Variants in POLD1 observed in about 807,000 individuals in gnomAD.
The protein encoded by POLD1 is DNA polymerase delta 1, catalytic subunit.
Under a neutral mutation model 129.7 loss-of-function variants are expected in POLD1, and 79 were observed. The ratio of observed to expected loss-of-function variants is 0.61; its 90% CI spans 0.51 to 0.73. POLD1 has a LOEUF of 0.73. Ranked by LOEUF, POLD1 falls within the 30% of genes least tolerant of loss-of-function variation. The pLI is 0.00. For synonymous variants in POLD1, 714 were observed against 683.3 expected (o/e 1.04, Z -0.70); for missense variants, 1,338 against 1,595.8 (o/e 0.84, Z 2.75).
At chr19:50,393,816 G>T (rs758886610) in intron 1 of POLD1, among the ~76,000 whole-genome samples, 2 of 152,162 alleles carry the variant, frequency 1.3e-5, no homozygotes, top group African/African-American at 4.8e-5. Flanking sequence ...TTCCCCCAGT[G>T]TGCACTTTGC....
At chr19:50,391,481 CG>C (rs1355795019) in intron 1 of POLD1, among the ~76,000 whole-genome samples, 3 of 152,176 alleles carry the variant, frequency 2.0e-5, no homozygotes, top group African/African-American at 7.2e-5. Context: ...AGATCACTCG[CG>C]GTCAGGAGCT....
rs966656626 is a variant in POLD1, at chr19:50,415,372, C to A, written c.2565-66C>A. On this transcript the variant is annotated intron_variant, in intron 20 of 26. Coordinates refer to ENST00000440232, the MANE Select transcript of POLD1 (RefSeq NM_002691.4). ...CTCATCCTGGTCTCCAGCCCTGAGA[C>A]CCGTGGAGGCACCAGCCTGGCCCTC... 5.3e-6 allele frequency: 8 copies of A among 1,511,568 alleles called. No homozygotes were observed. In the East Asian group the frequency reaches 1.4e-4, roughly 26 times the overall value. The allele number at this position is 1,511,568 out of a possible 1,614,324, so 93.6% of individuals were successfully genotyped here. A position where few individuals can be genotyped will look rare whatever the true frequency, so the allele number is the denominator to read the frequency against.
At chr19:50,405,605 A>G (rs2038846502) in intron 10 of POLD1, among the ~76,000 whole-genome samples, 1 of 152,092 alleles carries the variant, frequency 6.6e-6, no homozygotes, top group South Asian at 2.1e-4. Flanking sequence ...AAAATACAGA[A>G]CAAACTCTTA....
At position 50,416,701 on chromosome 19, in the gene POLD1, C is replaced by G. The variant is rs1555793490; in HGVS notation, c.3045C>G (p.Cys1015Trp). 6.5e-7 allele frequency: 1 copy of G among 1,541,856 alleles called. No homozygotes were observed. Among genetic ancestry groups the G allele is most frequent in the Non-Finnish European group, 8.7e-7 (1 of 1,148,258 alleles). ...AACGCCGCAACTGCTGCATTGGCTG[C>G]CGCACAGTGCTCAGCCACCAGGGTG... ...FAKRRNCCIG[C>W]RTVLSHQGAV... Residue 1015 changes from cysteine to tryptophan, a missense_variant, in exon 24 of 27, where the codon TGC becomes TGG. Coordinates refer to ENST00000440232, the MANE Select transcript of POLD1 (RefSeq NM_002691.4).
intron 1 of POLD1, among the ~76,000 whole-genome samples, chr19:50,390,919 A>G (rs2038136376): frequency 6.6e-6 from 1 of 152,188 alleles, no homozygotes; most frequent in African/African-American, 2.4e-5. Flanking sequence ...ACAGCATCCC[A>G]AGGCAGAATT....
chr19:50,395,373 A>C (rs1252709297), intron 1 of POLD1, among the ~76,000 whole-genome samples: 1 of 151,868 alleles, frequency 6.6e-6, no homozygotes, highest in East Asian at 2.0e-4. Context: ...AGGCGGGCGG[A>C]TCACGAGGTC....
At chr19:50,410,222 C>T (rs949293335) in intron 17 of POLD1, among the ~76,000 whole-genome samples, 1 of 152,166 alleles carries the variant, frequency 6.6e-6, no homozygotes, top group Non-Finnish European at 1.5e-5. Flanking sequence ...CCTGAGTTTC[C>T]GAGATTGCCA....
chr19:50,407,392 C>T lies in POLD1; in HGVS notation c.1752C>T (p.Ala584=), dbSNP rs1555791522. The T allele has an allele frequency of 6.2e-7, 1 of 1,610,026 alleles. No homozygotes were observed. The highest frequency in any genetic ancestry group is 8.5e-7 in the Non-Finnish European group (1 of 1,177,598). Reference sequence around the variant, plus strand: ...AGGGCGGCGAGGACTACACGGGAGCCACTGTCATCGAGCCCCTCAAAGGGT... The same window carrying T: ...AGGGCGGCGAGGACTACACGGGAGCTACTGTCATCGAGCCCCTCAAAGGGT... ...KSEGGEDYTG[A]TVIEPLKGYY... Residue 584 remains alanine (A), a synonymous_variant, in exon 14 of 27, where the codon GCC becomes GCT. Transcript: ENST00000440232.
rs1178648044 is a variant in POLD1, at chr19:50,406,924, C to T, written c.1495-59C>T. 2.2e-6 allele frequency: 3 copies of T among 1,372,586 alleles called. No individual in the cohort carries two copies. In the East Asian group the frequency reaches 7.0e-5, roughly 32 times the overall value. The allele number at this position is 1,372,586 out of a possible 1,614,324, so 85.0% of individuals were successfully genotyped here. ...CTCACCCTGACCCCCACTTCCTTCT[C>T]CTGCTCCACCTCCCACCCCCAACCC... On this transcript the variant is annotated intron_variant, in intron 12 of 26. Coordinates refer to ENST00000440232, the MANE Select transcript of POLD1 (RefSeq NM_002691.4). This position sits in a 1 kb window ranked among gnomAD's most constrained non-coding sequence, Gnocchi z 5.5.
chr19:50,415,153 C>G (rs3219432), intron 20 of POLD1, among the ~76,000 whole-genome samples, 163 bp downstream of exon 20: 207 of 152,250 alleles, frequency 1.4e-3, no homozygotes, highest in Non-Finnish European at 2.5e-3. Flanking sequence ...CAGCCCCTTC[C>G]TCTCTTAGAT....
intron 1 of POLD1, among the ~76,000 whole-genome samples, chr19:50,398,570 CAAAAAAAAAAAAA>C (rs35689550): frequency 1.4e-4 from 9 of 64,220 alleles, no homozygotes; most frequent in African/African-American, 6.2e-4. Flanking sequence ...AATTCCATCT[CAAAAAAAAAAAAA>C]AAAAAAAAAG....
rs771734704 is a variant in POLD1 at position 50,414,894 on chromosome 19, G to A, written c.2468G>A (p.Arg823His). The A allele has an allele frequency of 6.2e-6, 10 of 1,608,736 alleles. No homozygotes were observed. Among genetic ancestry groups the A allele is most frequent in the South Asian group, 2.2e-5 (2 of 90,566 alleles). ...LFSSRPDAHD[R>H]MDCKGLEAVR... ...TCCTCCCGGCCCGACGCCCACGACCGCATGGACTGCAAGGGCCTGGAGGCC... is the reference window on the plus strand; with the variant it reads ...TCCTCCCGGCCCGACGCCCACGACCACATGGACTGCAAGGGCCTGGAGGCC... Residue 823 changes from arginine to histidine, a missense_variant, in exon 20 of 27, where the codon CGC becomes CAC. Physicochemically the swap from Arg to His is conservative, Grantham distance 29. Coordinates refer to ENST00000440232, the MANE Select transcript of POLD1 (RefSeq NM_002691.4).
chr19:50,388,769 A>G (rs180764716), intron 1 of POLD1, among the ~76,000 whole-genome samples: 6 of 139,528 alleles, frequency 4.3e-5, no homozygotes, highest in African/African-American at 1.1e-4. Flanking sequence ...TGGCTGAACT[A>G]TTTGAAAGTT....
intron 1 of POLD1, among the ~76,000 whole-genome samples, chr19:50,388,654 C>T (rs1473784921): frequency 1.3e-5 from 2 of 152,120 alleles, no homozygotes; most frequent in African/African-American, 4.8e-5. Flanking sequence ...GTACAGTGAA[C>T]AGCCATGGCC....
At chr19:50,399,634 G>A in intron 3 of POLD1, 150 bp downstream of exon 3, 1 of 639,658 alleles carries the variant, frequency 1.6e-6, no homozygotes, top group Non-Finnish European at 2.9e-6. Flanking sequence ...CCATAGAGCT[G>A]TAGTGACAGA....
Position 50,413,887 on chromosome 19 carries a change from G to T in POLD1, c.2388+8G>T, listed in dbSNP as rs2039182611. ...CGGCTGGAGTTTGAGAAGGTGCGTG[G>T]CTGGGTCAGGGGCTCTGCATTTAGG... On this transcript the variant is annotated splice_region_variant and intron_variant, in intron 19 of 26. Coordinates refer to ENST00000440232, the MANE Select transcript of POLD1 (RefSeq NM_002691.4). The T allele has an allele frequency of 6.3e-7, 1 of 1,591,098 alleles. No individual in the cohort carries two copies. Among genetic ancestry groups the T allele is most frequent in the Middle Eastern group, 1.7e-4 (1 of 5,912 alleles).
At position 50,406,571 on chromosome 19, in the gene POLD1, T is replaced by G; in HGVS notation, c.1494+54T>G. 1 of 1,321,268 alleles carries G rather than the reference T, an allele frequency of 7.6e-7. No homozygotes were observed. Among genetic ancestry groups the G allele is most frequent in the Non-Finnish European group, 1.1e-6 (1 of 939,580 alleles). 81.8% of individuals were successfully genotyped at this position (1,321,268 alleles called of 1,614,324 possible). ...CCAACCTCTGACCTCCACCTCACCCTTCCCCGGCCTCTGACCTCAACTTCA... is the reference window on the plus strand; with the variant it reads ...CCAACCTCTGACCTCCACCTCACCCGTCCCCGGCCTCTGACCTCAACTTCA... On this transcript the variant is annotated intron_variant, in intron 12 of 26. Transcript: ENST00000440232. This position sits in a 1 kb window ranked among gnomAD's most constrained non-coding sequence, Gnocchi z 5.5.
chr19:50,401,703 T>A, intron 3 of POLD1, 75 bp from the exon 4 acceptor site: 2 of 1,524,812 alleles, frequency 1.3e-6, no homozygotes, highest in Non-Finnish European at 1.8e-6. Flanking sequence ...GGCCCCAAGG[T>A]ATTTCGAGGC....
rs1012601727 is a variant in POLD1 at position 50,395,455 on chromosome 19, A to G, written c.-1-3396A>G. 4.6e-5 allele frequency among the ~76,000 whole-genome samples: 7 copies of G among 152,108 alleles called. No homozygotes were observed. In the South Asian group the frequency reaches 8.3e-4, roughly 18 times the overall value. Reference sequence around the variant, plus strand: ...AAAAATTAGGCGGGCGCAGTGGCGGACGCCTGTAGTCCCAGCTACTCAGGA... The same window carrying G: ...AAAAATTAGGCGGGCGCAGTGGCGGGCGCCTGTAGTCCCAGCTACTCAGGA... On this transcript the variant is annotated intron_variant, in intron 1 of 26. Transcript: ENST00000440232.
Sources: gnomAD v4.1 joint callset for allele counts (sites outside exome capture counted in the v4.1 genomes callset) on GRCh38, gnomAD v4.1.1 for gene constraint, Gnocchi (gnomAD v3.1) non-coding constraint, MANE v1.5 for transcripts, NCBI Gene and HGNC (gene_info 2026-07-23, HGNC 2026-07-21) for gene names.